NTF3: variants seen among roughly 807,000 people sequenced by gnomAD.
NTF3 encodes neurotrophin-3.
NTF3 carries 8 observed loss-of-function variants against 26.3 expected under a neutral mutation model. The observed-to-expected ratio is 0.30, with a 90% CI of 0.18 to 0.55. NTF3 has a LOEUF of 0.55. Ranked by LOEUF, NTF3 falls within the 20% of genes least tolerant of loss-of-function variation. NTF3 has a pLI of 0.93. For missense variants in NTF3, 276 were observed against 352.9 expected (o/e 0.78, Z 1.75); for synonymous variants, 154 against 145.5 (o/e 1.06, Z -0.42).
chr12:5,461,512 A>G (rs1940523716), intron 1 of NTF3, among the ~76,000 whole-genome samples: 1 of 152,092 alleles, frequency 6.6e-6, no homozygotes, highest in Non-Finnish European at 1.5e-5. Context: ...AACAGGCTGC[A>G]CCGGCCTGCC....
chr12:5,490,288 C>T (rs1178385055), intron 1 of NTF3, among the ~76,000 whole-genome samples: 6 of 152,092 alleles, frequency 3.9e-5, no homozygotes, highest in Non-Finnish European at 2.9e-5. Flanking sequence ...AGCAGGCGCT[C>T]ATTCAGTAAA....
chr12:5,457,041 A>G (rs565683516), intron 1 of NTF3, among the ~76,000 whole-genome samples: 120 of 152,236 alleles, frequency 7.9e-4, no homozygotes, highest in Non-Finnish European at 1.6e-3. Flanking sequence ...CACAAGAGGA[A>G]GAACATAACA....
intron 1 of NTF3, among the ~76,000 whole-genome samples, chr12:5,487,795 A>T (rs1413258190): frequency 6.6e-6 from 1 of 152,210 alleles, no homozygotes; most frequent in Non-Finnish European, 1.5e-5. Flanking sequence ...CTACATAGAT[A>T]CAGACCTGTC....
chr12:5,467,840 T>C (rs1260340489), intron 1 of NTF3, among the ~76,000 whole-genome samples: 1 of 152,144 alleles, frequency 6.6e-6, no homozygotes, highest in East Asian at 1.9e-4. Flanking sequence ...TTCTCTTCCC[T>C]CCTTCCCTTT....
intron 1 of NTF3, among the ~76,000 whole-genome samples, chr12:5,474,209 G>A (rs144833456): frequency 5.3e-5 from 8 of 152,314 alleles, no homozygotes; most frequent in Non-Finnish European, 1.2e-4. Context: ...TACCTACCAT[G>A]AGCCAGGCAC....
chr12:5,449,316 G>A (rs923656748), intron 1 of NTF3, among the ~76,000 whole-genome samples: 6 of 152,190 alleles, frequency 3.9e-5, no homozygotes, highest in African/African-American at 1.4e-4. Context: ...CCAGGACATC[G>A]AGGTTTTGGG....
At chr12:5,470,910 A>T (rs528830671) in intron 1 of NTF3, among the ~76,000 whole-genome samples, 36 of 152,320 alleles carry the variant, frequency 2.4e-4, no homozygotes, top group South Asian at 8.3e-4. Context: ...TGAAATACAT[A>T]TGTATGTCTC....
At chr12:5,444,753 G>A (rs2121154825) in intron 1 of NTF3, among the ~76,000 whole-genome samples, 1 of 152,294 alleles carries the variant, frequency 6.6e-6, no homozygotes, top group South Asian at 2.1e-4. Context: ...CCCTCCGGCT[G>A]CAGTGTGGCT....
intron 1 of NTF3, among the ~76,000 whole-genome samples, chr12:5,435,763 TC>T (rs1940159743): frequency 6.6e-6 from 1 of 152,154 alleles, no homozygotes; most frequent in African/African-American, 2.4e-5. Flanking sequence ...GAGTGTTTGT[TC>T]ATCTTTGATG....
In NTF3 at chr12:5,452,279, A is replaced by G. The variant is rs367724424; in HGVS notation, c.18+19937A>G. Among the ~76,000 whole-genome samples the G allele has an allele frequency of 2.6e-5, 4 of 151,844 alleles. No homozygotes were observed. The East Asian group carries it at 5.9e-4, about 22-fold the overall frequency. ...CCCAGCTAATTTTTGTATTTTTAGT[A>G]GAGACGGGGTTTCACCATGTCAGCC... is the stretch of plus-strand genomic sequence containing the variant. On this transcript the variant is annotated intron_variant, in intron 1 of 1. Coordinates refer to ENST00000423158, the MANE Select transcript of NTF3 (RefSeq NM_001102654.2).
intron 1 of NTF3, among the ~76,000 whole-genome samples, chr12:5,436,514 T>A (rs1397419701): frequency 6.6e-6 from 1 of 152,176 alleles, no homozygotes; most frequent in Non-Finnish European, 1.5e-5. Context: ...TCTCTTTTTG[T>A]AAAGGGGCAA....
intron 1 of NTF3, among the ~76,000 whole-genome samples, chr12:5,438,434 G>C (rs187007196): frequency 3.3e-5 from 5 of 152,306 alleles, no homozygotes; most frequent in Admixed American, 1.3e-4. Flanking sequence ...TGTCCTCACA[G>C]GACAAACCTA....
intron 1 of NTF3, among the ~76,000 whole-genome samples, chr12:5,480,536 G>T (rs1475525424): frequency 6.6e-6 from 1 of 152,118 alleles, no homozygotes; most frequent in Non-Finnish European, 1.5e-5. Flanking sequence ...GCGCACTCTG[G>T]GGCACTCGGG....
chr12:5,442,355 T>C (rs1007667544), intron 1 of NTF3, among the ~76,000 whole-genome samples: 4 of 152,112 alleles, frequency 2.6e-5, no homozygotes, highest in Non-Finnish European at 5.9e-5. Flanking sequence ...TCAGAGACCA[T>C]TGTGATGGGA....
At chr12:5,477,140 C>T (rs1378847401) in intron 1 of NTF3, among the ~76,000 whole-genome samples, 4 of 152,120 alleles carry the variant, frequency 2.6e-5, no homozygotes, top group African/African-American at 9.7e-5. Flanking sequence ...AGTTTTTATT[C>T]TCTAGTTTCC....
intron 1 of NTF3, among the ~76,000 whole-genome samples, chr12:5,476,879 C>G (rs1443436681): frequency 6.6e-6 from 1 of 152,098 alleles, no homozygotes; most frequent in African/African-American, 2.4e-5. Context: ...ACCATCCCGC[C>G]TATAATGCAT....
intron 1 of NTF3, among the ~76,000 whole-genome samples, chr12:5,465,289 G>A (rs977760893): frequency 2.0e-5 from 3 of 152,222 alleles, no homozygotes; most frequent in East Asian, 1.9e-4. Context: ...GCTGCAGGCC[G>A]TTGCCTAGAA....
rs566530676 is a variant in NTF3, at chr12:5,484,680, C to T, written c.19-9514C>T. Among the ~76,000 whole-genome samples, 8 of 152,228 alleles carry T rather than the reference C, an allele frequency of 5.3e-5. 1 individual carries two copies. Among genetic ancestry groups the T allele is most frequent in the African/African-American group, 1.9e-4 (8 of 41,536 alleles). On this transcript the variant is annotated intron_variant, in intron 1 of 1. Coordinates refer to ENST00000423158, the MANE Select transcript of NTF3 (RefSeq NM_001102654.2). ...TCCGCAGATGGCATTTGGAAACGTG[C>T]GGGTCCTTTTTTTCAGTTGTCAGCA... is the stretch of plus-strand genomic sequence containing the variant.
intron 1 of NTF3, among the ~76,000 whole-genome samples, chr12:5,444,669 C>CT (rs555401830): frequency 0.023 from 3,557 of 151,786 alleles, 134 homozygotes; most frequent in African/African-American, 0.082. Context: ...TGGGAGCTTA[C>CT]TTTTTTTTTC....
Sources: gnomAD v4.1 joint callset for allele counts (sites outside exome capture counted in the v4.1 genomes callset) on GRCh38, gnomAD v4.1.1 for gene constraint, MANE v1.5 for transcripts, NCBI Gene and HGNC (gene_info 2026-07-23, HGNC 2026-07-21) for gene names.